The following HS6ST3 variants were observed in gnomAD, a reference collection of about 807,000 sequenced individuals.
The protein encoded by HS6ST3 is heparan-sulfate 6-O-sulfotransferase 3.
HS6ST3 carries 12 observed loss-of-function variants against 36.7 expected under a neutral mutation model. That is an observed-to-expected ratio of 0.33 (90% confidence interval 0.21 to 0.53). HS6ST3 has a LOEUF of 0.53. Ranked by LOEUF, HS6ST3 falls within the 20% of genes least tolerant of loss-of-function variation. HS6ST3 has a pLI of 0.95. For missense variants in HS6ST3, 584 were observed against 640.9 expected, an observed-to-expected ratio of 0.91 and a Z score of 0.96; for synonymous variants, 240 against 257.5, an observed-to-expected ratio of 0.93 and a Z score of 0.65.
chr13:96,147,158 A>C (rs191506712), intron 1 of HS6ST3, among the ~76,000 whole-genome samples: 52 of 152,398 alleles, frequency 3.4e-4, no homozygotes, highest in South Asian at 2.5e-3. Flanking sequence ...GATAGTGATC[A>C]GCAGAGCACA....
chr13:96,256,857 T>C (rs1377069759), intron 1 of HS6ST3, among the ~76,000 whole-genome samples: 1 of 152,160 alleles, frequency 6.6e-6, no homozygotes, highest in Non-Finnish European at 1.5e-5. Context: ...CAGTATCATT[T>C]TGAGAGTGAA....
At chr13:96,559,965 T>C (rs1241666502) in intron 1 of HS6ST3, among the ~76,000 whole-genome samples, 1 of 152,218 alleles carries the variant, frequency 6.6e-6, no homozygotes, top group Admixed American at 6.5e-5. Flanking sequence ...CATACAACTA[T>C]ATTTTTAATT....
chr13:96,590,153 T>G (rs2056377276), intron 1 of HS6ST3, among the ~76,000 whole-genome samples: 2 of 152,090 alleles, frequency 1.3e-5, no homozygotes, highest in South Asian at 4.1e-4. Flanking sequence ...TAAACATGAG[T>G]GCAAATATCT....
At chr13:96,657,248 C>G (rs767888786) in intron 1 of HS6ST3, among the ~76,000 whole-genome samples, 3 of 152,014 alleles carry the variant, frequency 2.0e-5, no homozygotes, top group African/African-American at 4.8e-5. Flanking sequence ...TCTTACCAAC[C>G]TAGAACTCAT....
chr13:96,268,604 C>T (rs750451790), intron 1 of HS6ST3, among the ~76,000 whole-genome samples: 7 of 151,902 alleles, frequency 4.6e-5, no homozygotes, highest in Non-Finnish European at 5.9e-5. Context: ...GCATATATCA[C>T]ATTTTTGGTT....
chr13:96,598,217 T>A (rs2056409046), intron 1 of HS6ST3, among the ~76,000 whole-genome samples: 1 of 152,074 alleles, frequency 6.6e-6, no homozygotes, highest in South Asian at 2.1e-4. Context: ...AAATGATCTA[T>A]CTGGGTATTT....
At chr13:96,146,558 C>G (rs1380038044) in intron 1 of HS6ST3, among the ~76,000 whole-genome samples, 1 of 152,134 alleles carries the variant, frequency 6.6e-6, no homozygotes, top group Non-Finnish European at 1.5e-5. Flanking sequence ...AGACATTACA[C>G]AGAAACTTCT....
chr13:96,497,579 C>T (rs373799297), intron 1 of HS6ST3, among the ~76,000 whole-genome samples: 5 of 152,186 alleles, frequency 3.3e-5, no homozygotes, highest in African/African-American at 1.2e-4. Context: ...AGCCCCTTTG[C>T]TCAGACATCT....
chr13:96,128,997 C>G (rs1373601114), intron 1 of HS6ST3, among the ~76,000 whole-genome samples: 3 of 151,974 alleles, frequency 2.0e-5, no homozygotes, highest in Admixed American at 2.0e-4. Context: ...AAGTGCTCAC[C>G]ACCACACCTG....
intron 1 of HS6ST3, among the ~76,000 whole-genome samples, chr13:96,617,913 A>T (rs1389694720): frequency 6.6e-6 from 1 of 152,220 alleles, no homozygotes; most frequent in African/African-American, 2.4e-5. Flanking sequence ...TTCTCCAGGG[A>T]TTAAAACAAC....
intron 1 of HS6ST3, among the ~76,000 whole-genome samples, chr13:96,652,000 T>C (rs1399930718): frequency 6.6e-6 from 1 of 152,124 alleles, no homozygotes; most frequent in East Asian, 1.9e-4. Context: ...AGAGTATTAA[T>C]ACCTGATATA....
intron 1 of HS6ST3, among the ~76,000 whole-genome samples, chr13:96,463,833 C>T (rs2055797380): frequency 6.6e-6 from 1 of 151,892 alleles, no homozygotes; most frequent in African/African-American, 2.4e-5. Context: ...TGTGAAATAA[C>T]ATTATTAGTC....
chr13:96,121,988 G>A (rs2139306687), intron 1 of HS6ST3, among the ~76,000 whole-genome samples: 1 of 152,034 alleles, frequency 6.6e-6, no homozygotes, highest in South Asian at 2.1e-4. Context: ...ATTCCCTTTG[G>A]TCATACTCAT....
intron 1 of HS6ST3, among the ~76,000 whole-genome samples, chr13:96,547,128 C>T (rs774489480): frequency 6.6e-6 from 1 of 152,264 alleles, no homozygotes; most frequent in South Asian, 2.1e-4. Context: ...AAAGCTAATA[C>T]GTGCTATTGG....
chr13:96,679,895 T>C (rs1430100791), intron 1 of HS6ST3, among the ~76,000 whole-genome samples: 1 of 152,176 alleles, frequency 6.6e-6, no homozygotes, highest in Non-Finnish European at 1.5e-5. Context: ...AAGAGCATTA[T>C]TCTGGCAAGG....
At chr13:96,632,309 G>C (rs1488082795) in intron 1 of HS6ST3, among the ~76,000 whole-genome samples, 1 of 5,898 alleles carries the variant, frequency 1.7e-4, no homozygotes, top group Admixed American at 3.2e-3. Context: ...ATAAATTTCT[G>C]TGTTTTTTTT....
intron 1 of HS6ST3, among the ~76,000 whole-genome samples, chr13:96,546,474 G>T (rs1388541845): frequency 6.6e-6 from 1 of 152,132 alleles, no homozygotes; most frequent in Admixed American, 6.5e-5. Flanking sequence ...AAATATGTAT[G>T]GAGGAGTTGG....
intron 1 of HS6ST3, among the ~76,000 whole-genome samples, chr13:96,679,032 C>T (rs1314905660): frequency 6.6e-6 from 1 of 150,910 alleles, no homozygotes; most frequent in Non-Finnish European, 1.5e-5. Context: ...ATTTCCTGAG[C>T]TGGTCATGGA....
chr13:96,419,023 A>G (rs78885370), intron 1 of HS6ST3, among the ~76,000 whole-genome samples: 2 of 152,370 alleles, frequency 1.3e-5, no homozygotes, highest in Non-Finnish European at 2.9e-5. Context: ...TGATTGATTA[A>G]CTGTCTTGAG....
Sources: allele counts gnomAD v4.1 joint callset (sites outside exome capture counted in the v4.1 genomes callset), GRCh38; gene constraint gnomAD v4.1.1; transcripts MANE v1.5; gene names NCBI Gene and HGNC (gene_info 2026-07-23, HGNC 2026-07-21).